PTPN12: variants seen among roughly 807,000 people sequenced by gnomAD.
PTPN12 encodes the protein tyrosine-protein phosphatase non-receptor type 12.
PTPN12 carries 29 observed loss-of-function variants against 97.6 expected under a neutral mutation model. That is an observed-to-expected ratio of 0.30 (90% CI 0.22 to 0.41). The LOEUF is 0.41. Ranked by LOEUF, PTPN12 falls within the 10% of genes least tolerant of loss-of-function variation. The probability of loss-of-function intolerance (pLI) is 1.00; values close to 1 mark genes in which losing one functional copy is unlikely to be tolerated. For synonymous variants in PTPN12, 327 were observed against 300.4 expected, an observed-to-expected ratio of 1.09 and a Z score of -0.91; for missense variants, 819 against 926.0, an observed-to-expected ratio of 0.88 and a Z score of 1.50.
chr7:77,630,296 G>A (rs1179287233), intron 13 of PTPN12, among the ~76,000 whole-genome samples: 2 of 152,082 alleles, frequency 1.3e-5, no homozygotes, highest in Non-Finnish European at 2.9e-5. Flanking sequence ...GTTTTGGGGG[G>A]TTTTTTGGTC....
At chr7:77,575,362 TTCTC>T (rs773226228) in intron 2 of PTPN12, among the ~76,000 whole-genome samples, 4 of 151,808 alleles carry the variant, frequency 2.6e-5, no homozygotes, top group Non-Finnish European at 5.9e-5. Context: ...TACTCTCTCT[TTCTC>T]TCTCTCGTGT....
chr7:77,575,763 T>TA, intron 2 of PTPN12, among the ~76,000 whole-genome samples: 1 of 152,320 alleles, frequency 6.6e-6, no homozygotes, highest in East Asian at 1.9e-4. Context: ...GGGCAGCTGT[T>TA]AATCAGCTTT....
At chr7:77,610,649 C>A in intron 9 of PTPN12, 116 bp from the exon 10 acceptor site, 1 of 1,071,626 alleles carries the variant, frequency 9.3e-7, no homozygotes. Context: ...AAGTGGTGTT[C>A]AATAAATGTT....
intron 5 of PTPN12, 126 bp from the exon 6 acceptor site, chr7:77,592,059 C>G (rs958650893): frequency 2.6e-6 from 2 of 755,368 alleles, no homozygotes; most frequent in Non-Finnish European, 4.4e-6. Flanking sequence ...AGCTCCATGC[C>G]TGCTAATGTG....
intron 13 of PTPN12, among the ~76,000 whole-genome samples, chr7:77,631,102 C>T (rs1584222462): frequency 6.6e-6 from 1 of 152,130 alleles, no homozygotes; most frequent in East Asian, 1.9e-4. Context: ...TTCCTTCCAA[C>T]AGCCATCTCT....
chr7:77,627,649 G>A lies in PTPN12; in HGVS notation c.1970G>A (p.Gly657Glu), dbSNP rs565942809. Residue 657 changes from glycine to glutamate, a missense_variant, in exon 13 of 18, where the codon GGA becomes GAA. Gly to Glu is a moderately conservative substitution (Grantham distance 98). Around this residue, in one of 5 missense-constraint regions of PTPN12, gnomAD observed 607 missense variants for 577.3 expected, o/e 1.05. Coordinates refer to ENST00000248594, the MANE Select transcript of PTPN12 (RefSeq NM_002835.4). ...TCCATTGCTAGACATAATATAGCAG[G>A]AACAACACATTCAGGTGCTGAAAAA... ...PMSIARHNIAGTTHSGAEKDV... is the reference protein window; with the variant it reads ...PMSIARHNIAETTHSGAEKDV... 7 of 1,588,020 alleles carry A rather than the reference G, an allele frequency of 4.4e-6. No individual in the cohort carries two copies. The highest frequency in any genetic ancestry group is 1.7e-4 in the Middle Eastern group (1 of 5,938).
rs1789147930 is a variant in PTPN12 at position 77,625,579 on chromosome 7, T to TC, written c.1026-1126_1026-1125insC. ...GCTCTCTCTCTCTTTTTTTTTTTTT[T>TC]TTTTTTTTTGGAGACAGTCTTGCTC... On this transcript the variant is annotated intron_variant, in intron 12 of 17. Coordinates refer to ENST00000248594, the MANE Select transcript of PTPN12 (RefSeq NM_002835.4). 1.7e-5 allele frequency among the ~76,000 whole-genome samples: 2 copies of TC among 118,182 alleles called. 1 individual carries two copies. Among genetic ancestry groups the TC allele is most frequent in the Non-Finnish European group, 3.5e-5 (2 of 57,590 alleles). The allele number at this position is 118,182 out of a possible 152,430, so 77.5% of individuals were successfully genotyped here.
intron 7 of PTPN12, among the ~76,000 whole-genome samples, chr7:77,598,740 A>G (rs1788098103): frequency 6.6e-6 from 1 of 151,744 alleles, no homozygotes; most frequent in Admixed American, 6.6e-5. Flanking sequence ...TAATACTACT[A>G]CCTAAATGTT....
At chr7:77,590,559 C>CTTTTTT (rs539493706) in intron 5 of PTPN12, among the ~76,000 whole-genome samples, 1 of 141,786 alleles carries the variant, frequency 7.1e-6, no homozygotes, top group South Asian at 2.2e-4. Flanking sequence ...TTTTTTAAAT[C>CTTTTTT]TTTTTTTTTT....
intron 12 of PTPN12, among the ~76,000 whole-genome samples, chr7:77,624,331 T>C (rs905469259): frequency 2.0e-5 from 3 of 152,196 alleles, no homozygotes; most frequent in Non-Finnish European, 4.4e-5. Flanking sequence ...ATGAGAGTAT[T>C]GCTGTCATTT....
At chr7:77,541,207 T>A (rs1806957996) in intron 1 of PTPN12, among the ~76,000 whole-genome samples, 1 of 152,210 alleles carries the variant, frequency 6.6e-6, no homozygotes, top group Non-Finnish European at 1.5e-5. Flanking sequence ...TCCTCCCACT[T>A]CAGCCTCCAG....
intron 6 of PTPN12, among the ~76,000 whole-genome samples, chr7:77,597,201 A>T (rs1329493688): frequency 6.6e-6 from 1 of 151,976 alleles, no homozygotes; most frequent in Non-Finnish European, 1.5e-5. Context: ...TCAGCTCACT[A>T]TAACCTCTGC....
At chr7:77,615,057 A>T (rs1788703799) in intron 11 of PTPN12, among the ~76,000 whole-genome samples, 1 of 152,132 alleles carries the variant, frequency 6.6e-6, no homozygotes, top group South Asian at 2.1e-4. Flanking sequence ...ATATTGACTG[A>T]GGATTTAGAG....
intron 12 of PTPN12, among the ~76,000 whole-genome samples, chr7:77,626,131 AAGTT>A (rs1789172084): frequency 6.6e-6 from 1 of 152,200 alleles, no homozygotes; most frequent in Non-Finnish European, 1.5e-5. Context: ...ATCTGCAAGA[AAGTT>A]AGAAGAAAAG....
At chr7:77,593,547 T>A (rs1787932738) in intron 6 of PTPN12, among the ~76,000 whole-genome samples, 1 of 152,214 alleles carries the variant, frequency 6.6e-6, no homozygotes, top group Non-Finnish European at 1.5e-5. Flanking sequence ...TGGAAAAGTC[T>A]GTTGTAGAAT....
Position 77,592,378 on chromosome 7 carries a change from T to C in PTPN12, c.492+122T>C, listed in dbSNP as rs1034907615. ...ACGCCAAGGACTCACAAACCTATGC[T>C]TACATTTAAAAAAATTTTGTTTATA... On this transcript the variant is annotated intron_variant, in intron 6 of 17. Coordinates refer to ENST00000248594, the MANE Select transcript of PTPN12 (RefSeq NM_002835.4). 5 of 797,740 alleles carry C rather than the reference T, an allele frequency of 6.3e-6. No homozygotes were observed. In the Admixed American group the frequency reaches 1.8e-4, roughly 28 times the overall value. 49.4% of individuals were successfully genotyped at this position (797,740 alleles called of 1,614,324 possible).
chr7:77,556,801 G>T (rs945295718), intron 1 of PTPN12, among the ~76,000 whole-genome samples: 8 of 152,026 alleles, frequency 5.3e-5, no homozygotes, highest in African/African-American at 1.7e-4. Context: ...CTGCACTCCA[G>T]CCTGGTGACA....
intron 7 of PTPN12, among the ~76,000 whole-genome samples, chr7:77,599,416 A>T (rs1259858049): frequency 6.9e-6 from 1 of 145,320 alleles, no homozygotes; most frequent in East Asian, 2.0e-4. Flanking sequence ...CCACCTTCCT[A>T]GTATCTGAGA....
chr7:77,605,667 C>T (rs903686510), intron 8 of PTPN12, among the ~76,000 whole-genome samples: 1 of 151,730 alleles, frequency 6.6e-6, no homozygotes, highest in Non-Finnish European at 1.5e-5. Flanking sequence ...GTGATCCGCC[C>T]TCCTTGGCCT....
Sources: allele counts gnomAD v4.1 joint callset (sites outside exome capture counted in the v4.1 genomes callset), GRCh38; gene constraint gnomAD v4.1.1; regional missense constraint gnomAD v4.1.1; transcripts MANE v1.5; gene names NCBI Gene and HGNC (gene_info 2026-07-23, HGNC 2026-07-21).